Variants in PRKD1 observed in about 807,000 individuals in gnomAD.
The protein encoded by PRKD1 is protein kinase D1, also known as serine/threonine-protein kinase D1.
A neutral mutation model predicts 95.9 loss-of-function variants in PRKD1; 63 were observed. The observed-to-expected ratio is 0.66, with a 90% confidence interval of 0.54 to 0.81. PRKD1 has a LOEUF of 0.81. PRKD1 is among the 30% of genes least tolerant of loss of function. PRKD1 has a pLI of 0.00. For missense variants in PRKD1, 1,048 were observed against 1,165.3 expected, an observed-to-expected ratio of 0.90 and a Z score of 1.47; for synonymous variants, 425 against 423.1, an observed-to-expected ratio of 1.00 and a Z score of -0.05.
chr14:29,675,899 T>C (rs543743442), intron 2 of PRKD1, among the ~76,000 whole-genome samples: 1 of 148,844 alleles, frequency 6.7e-6, no homozygotes, highest in South Asian at 2.1e-4. Context: ...AAACACCGCA[T>C]GTTCTCACTC....
chr14:29,615,584 C>T (rs1286739139), intron 13 of PRKD1, among the ~76,000 whole-genome samples: 1 of 152,180 alleles, frequency 6.6e-6, no homozygotes, highest in East Asian at 1.9e-4. Flanking sequence ...CGAAGCTCTC[C>T]CTGATTCCAA....
At chr14:29,735,398 T>C (rs1886664658) in intron 1 of PRKD1, among the ~76,000 whole-genome samples, 1 of 152,206 alleles carries the variant, frequency 6.6e-6, no homozygotes, top group Non-Finnish European at 1.5e-5. Flanking sequence ...AGGACTGTAA[T>C]TAAGACACAG....
chr14:29,638,233 G>A (rs1486457790), intron 6 of PRKD1: 5 of 483,884 alleles, frequency 1.0e-5, no homozygotes, highest in African/African-American at 3.9e-5. Context: ...ATAAAACTGG[G>A]AAATAAATTA....
rs74585282 is a variant in PRKD1 at position 29,802,121 on chromosome 14, G to A, written c.265-76447C>T. On this transcript the variant is annotated intron_variant, in intron 1 of 17. Coordinates refer to ENST00000331968, the MANE Select transcript of PRKD1 (RefSeq NM_002742.3). ...AAAGGAAGGGAGAGAGGGTGGGAAA[G>A]AGGGAAGGAGAGAATTAATAAATAA... Among the ~76,000 whole-genome samples the A allele has an allele frequency of 6.3e-3, 959 of 152,190 alleles. 3 individuals are homozygous for A. The highest frequency in any genetic ancestry group is 0.022 in the African/African-American group (900 of 41,528).
intron 1 of PRKD1, among the ~76,000 whole-genome samples, chr14:29,889,761 T>C (rs1205869429): frequency 6.6e-6 from 1 of 152,090 alleles, no homozygotes; most frequent in East Asian, 1.9e-4. Flanking sequence ...AGGAGAGGGA[T>C]AGTGTTAGGA....
At chr14:29,752,751 T>G (rs1028803348) in intron 1 of PRKD1, among the ~76,000 whole-genome samples, 4 of 152,090 alleles carry the variant, frequency 2.6e-5, no homozygotes, top group African/African-American at 4.8e-5. Flanking sequence ...TTCACTTTTC[T>G]GTTTGTGTGC....
chr14:29,683,539 AAAG>A (rs1228739788), intron 2 of PRKD1, among the ~76,000 whole-genome samples: 2 of 152,212 alleles, frequency 1.3e-5, no homozygotes, highest in African/African-American at 4.8e-5. Flanking sequence ...TCACCAATAC[AAAG>A]AAGAAAGAAG....
At chr14:29,622,411 A>AT (rs34017060) in intron 13 of PRKD1, among the ~76,000 whole-genome samples, 52 of 110,916 alleles carry the variant, frequency 4.7e-4, no homozygotes, top group Middle Eastern at 4.3e-3. Context: ...TGTTTTTATT[A>AT]TTTTTTTTTT....
intron 2 of PRKD1, among the ~76,000 whole-genome samples, chr14:29,725,084 T>G (rs535179412): frequency 6.6e-6 from 1 of 152,300 alleles, no homozygotes; most frequent in East Asian, 1.9e-4. Flanking sequence ...TCCTCCTTGG[T>G]CTTGGCTTAC....
intron 13 of PRKD1, among the ~76,000 whole-genome samples, chr14:29,602,211 A>G (rs1893545920): frequency 6.6e-6 from 1 of 152,096 alleles, no homozygotes; most frequent in Non-Finnish European, 1.5e-5. Context: ...ACGAAAAACT[A>G]GTAGGAACAA....
At chr14:29,909,062 C>T (rs552184490) in intron 1 of PRKD1, among the ~76,000 whole-genome samples, 69 of 152,264 alleles carry the variant, frequency 4.5e-4, no homozygotes, top group African/African-American at 1.6e-3. Flanking sequence ...TCCGGGTGGG[C>T]GTGGGCTTGG....
intron 1 of PRKD1, among the ~76,000 whole-genome samples, chr14:29,770,454 T>C (rs1476266630): frequency 6.6e-6 from 1 of 152,134 alleles, no homozygotes; most frequent in Non-Finnish European, 1.5e-5. Flanking sequence ...TTCTTAGAGA[T>C]GACCTAAGAG....
intron 1 of PRKD1, among the ~76,000 whole-genome samples, chr14:29,907,024 A>G (rs1224990741): frequency 2.0e-5 from 3 of 152,266 alleles, no homozygotes; most frequent in Non-Finnish European, 4.4e-5. Context: ...AATGTTTTTC[A>G]TAATATTTCA....
intron 1 of PRKD1, among the ~76,000 whole-genome samples, chr14:29,822,859 C>T (rs1177324677): frequency 6.6e-6 from 1 of 152,070 alleles, no homozygotes; most frequent in Non-Finnish European, 1.5e-5. Context: ...CCACAACATT[C>T]TTAAAGGGAT....
At chr14:29,849,849 TA>T (rs1462473366) in intron 1 of PRKD1, among the ~76,000 whole-genome samples, 1 of 152,174 alleles carries the variant, frequency 6.6e-6, no homozygotes, top group Non-Finnish European at 1.5e-5. Flanking sequence ...AATCTTCATT[TA>T]CCAGGATCTA....
intron 1 of PRKD1, among the ~76,000 whole-genome samples, chr14:29,881,559 A>AT (rs555990417): frequency 3.3e-4 from 50 of 150,732 alleles, no homozygotes; most frequent in Non-Finnish European, 5.9e-4. Context: ...TTTGCTTTTT[A>AT]TTTTTTTTGT....
chr14:29,905,998 CAGTA>C (rs1223506401), intron 1 of PRKD1, among the ~76,000 whole-genome samples: 1 of 151,986 alleles, frequency 6.6e-6, no homozygotes, highest in African/African-American at 2.4e-5. Flanking sequence ...AAGATAAAAA[CAGTA>C]AGGCAGAAAA....
chr14:29,648,323 C>T, intron 4 of PRKD1, among the ~76,000 whole-genome samples: 1 of 146,730 alleles, frequency 6.8e-6, no homozygotes. Context: ...AGTGGCTACA[C>T]ATTTTTTTTG....
In PRKD1 at chr14:29,745,194, C is replaced by G. The variant is rs1197228487; in HGVS notation, c.265-19520G>C. 2.0e-5 allele frequency among the ~76,000 whole-genome samples: 3 copies of G among 152,294 alleles called. No homozygotes were observed. The East Asian group carries it at 5.8e-4, about 29-fold the overall frequency. The stretch of plus-strand genomic sequence containing the variant: ...ATATAACAGTTCCTCTTACTCATAT[C>G]TGTTGTCCTGCTTCCTTTTAATCAG... On this transcript the variant is annotated intron_variant, in intron 1 of 17. Coordinates refer to ENST00000331968, the MANE Select transcript of PRKD1 (RefSeq NM_002742.3).
Sources: allele counts gnomAD v4.1 joint callset (sites outside exome capture counted in the v4.1 genomes callset), GRCh38; gene constraint gnomAD v4.1.1; transcripts MANE v1.5; gene names NCBI Gene and HGNC (gene_info 2026-07-23, HGNC 2026-07-21).